Variants in HOOK1 observed in about 807,000 individuals in gnomAD.
HOOK1 encodes hook microtubule tethering protein 1, also known as protein Hook homolog 1.
In HOOK1, 60 loss-of-function variants were observed where a neutral mutation model predicts 112.8. That is an observed-to-expected ratio of 0.53 (90% CI 0.43 to 0.66). The LOEUF (loss-of-function observed/expected upper bound fraction) is 0.66, where lower values mean the gene tolerates loss of function less well. HOOK1 is among the 30% of genes least tolerant of loss of function. The pLI is 0.00. For missense variants in HOOK1, 770 were observed against 856.0 expected (o/e 0.90, Z 1.25); for synonymous variants, 294 against 283.8 (o/e 1.04, Z -0.36).
chr1:59,855,955 T>TAAAAAAAAAAAAAAA (rs1469077751), intron 12 of HOOK1, among the ~76,000 whole-genome samples: 1 of 104,334 alleles, frequency 9.6e-6, no homozygotes, highest in African/African-American at 4.5e-5. Flanking sequence ...TATATATATA[T>TAAAAAAAAAAAAAAA]ATATAAATTA....
intron 9 of HOOK1, among the ~76,000 whole-genome samples, chr1:59,846,108 GTTTA>G (rs2098403632): frequency 6.6e-6 from 1 of 151,636 alleles, no homozygotes; most frequent in Non-Finnish European, 1.5e-5. Context: ...CAGTGTATAT[GTTTA>G]TTTAAGTTGT....
intron 2 of HOOK1, among the ~76,000 whole-genome samples, chr1:59,823,297 G>A (rs565805784): frequency 3.9e-4 from 60 of 152,324 alleles, no homozygotes; most frequent in Middle Eastern, 6.8e-3. Flanking sequence ...TCCAGCCTGG[G>A]TGACAGAGCA....
chr1:59,847,789 C>T lies in HOOK1; in HGVS notation c.930-526C>T, dbSNP rs114528688. ...GTAACCATTAATTTGGACCTGCTTG[C>T]GATAGTGAAGTGATTTGGTTTATTT... On this transcript the variant is annotated intron_variant, in intron 10 of 21. Transcript: ENST00000371208. 4.1e-3 allele frequency among the ~76,000 whole-genome samples: 627 copies of T among 151,586 alleles called. 2 individuals carry two copies. Among genetic ancestry groups the T allele is most frequent in the Middle Eastern group, 0.01 (3 of 294 alleles).
At position 59,861,086 on chromosome 1, in the gene HOOK1, T is replaced by C. The variant is rs1393308777; in HGVS notation, c.1532+758T>C. Among the ~76,000 whole-genome samples the C allele has an allele frequency of 2.6e-5, 4 of 152,176 alleles. No homozygotes were observed. The East Asian group carries it at 7.7e-4, about 29-fold the overall frequency. The stretch of plus-strand genomic sequence containing the variant: ...CCACCATGCCTGGCCAATTTTTGTA[T>C]TATTAGTAGAGATGGGGCTTCACCA... On this transcript the variant is annotated intron_variant, in intron 15 of 21. Transcript: ENST00000371208.
At chr1:59,823,152 C>T (rs1341096831) in intron 2 of HOOK1, among the ~76,000 whole-genome samples, 1 of 152,136 alleles carries the variant, frequency 6.6e-6, no homozygotes, top group African/African-American at 2.4e-5. Flanking sequence ...AACCCCATCT[C>T]TACTAAAAAT....
chr1:59,824,923 A>G (rs1418717920), intron 2 of HOOK1, among the ~76,000 whole-genome samples: 2 of 152,216 alleles, frequency 1.3e-5, no homozygotes, highest in Admixed American at 1.3e-4. Context: ...TTAAAACAGC[A>G]AAAATCAATT....
chr1:59,837,119 A>G (rs1018484489), intron 7 of HOOK1, among the ~76,000 whole-genome samples, 184 bp downstream of exon 7: 1 of 152,222 alleles, frequency 6.6e-6, no homozygotes, highest in Admixed American at 6.5e-5. Context: ...TTTTGTGATC[A>G]TGTTGAAAGA....
chr1:59,835,677 C>T (rs565325338), intron 6 of HOOK1, among the ~76,000 whole-genome samples: 2 of 152,182 alleles, frequency 1.3e-5, no homozygotes, highest in South Asian at 4.1e-4. Context: ...TTTTTGGCAC[C>T]AGGGACCAGT....
At position 59,833,554 on chromosome 1, in the gene HOOK1, C is replaced by T. The variant is rs774930150; in HGVS notation, c.406+17C>T. ...AGAAGCAAGGTAAGTGAATTTCAAT[C>T]ATTTGAGGATTTCTACTTTCTAGAA... On this transcript the variant is annotated intron_variant, in intron 5 of 21. Coordinates refer to ENST00000371208, the MANE Select transcript of HOOK1 (RefSeq NM_015888.6). The T allele has an allele frequency of 1.3e-6, 2 of 1,516,616 alleles. No individual in the cohort carries two copies. Among genetic ancestry groups the T allele is most frequent in the Non-Finnish European group, 1.8e-6 (2 of 1,120,822 alleles). The allele number at this position is 1,516,616 out of a possible 1,614,324, so 93.9% of individuals were successfully genotyped here. A position where few individuals can be genotyped will look rare whatever the true frequency, so the allele number is the denominator to read the frequency against.
chr1:59,816,461 T>A (rs2098381602), intron 1 of HOOK1, among the ~76,000 whole-genome samples: 1 of 152,234 alleles, frequency 6.6e-6, no homozygotes, highest in Admixed American at 6.5e-5. Flanking sequence ...TAAAACAGAC[T>A]AATTAAAGGG....
rs888484570 is a variant in HOOK1, at chr1:59,873,451, C to T, written c.*486C>T. 1.3e-5 allele frequency: 2 copies of T among 151,826 alleles called. No individual in the cohort carries two copies. The highest frequency in any genetic ancestry group is 2.9e-5 in the Non-Finnish European group (2 of 67,942). The allele number at this position is 151,826 out of a possible 1,614,324, so 9.4% of individuals were successfully genotyped here. A position where few individuals can be genotyped will look rare whatever the true frequency, so the allele number is the denominator to read the frequency against. On this transcript the variant is annotated 3_prime_UTR_variant, in exon 22 of 22. Coordinates refer to ENST00000371208, the MANE Select transcript of HOOK1 (RefSeq NM_015888.6). ...GGTGATTTCTTTGACTTAATATATACAAGGCTTTACTTCTGTCCCCTAATT... is the reference window on the plus strand; with the variant it reads ...GGTGATTTCTTTGACTTAATATATATAAGGCTTTACTTCTGTCCCCTAATT...
intron 7 of HOOK1, among the ~76,000 whole-genome samples, chr1:59,839,563 T>C (rs1004988442): frequency 3.9e-5 from 6 of 152,196 alleles, no homozygotes; most frequent in Admixed American, 1.3e-4. Flanking sequence ...TTGCTGAAGT[T>C]GTTTATCAGC....
At chr1:59,853,458 T>G (rs766112422) in intron 12 of HOOK1, among the ~76,000 whole-genome samples, 42 of 152,078 alleles carry the variant, frequency 2.8e-4, no homozygotes, top group Non-Finnish European at 2.6e-4. Context: ...TTCACCCTTT[T>G]ATTTTCAAAC....
chr1:59,815,337 C>A (rs950849971), intron 1 of HOOK1, 157 bp downstream of exon 1: 40 of 667,040 alleles, frequency 6.0e-5, no homozygotes, highest in Non-Finnish European at 8.7e-5. Context: ...ATGCCACCTG[C>A]GGGTCGACGG....
At position 59,843,485 on chromosome 1, in the gene HOOK1, G is replaced by A; in HGVS notation, c.675G>A (p.Met225Ile). The A allele has an allele frequency of 6.2e-7, 1 of 1,610,628 alleles. No individual in the cohort carries two copies. The highest frequency in any genetic ancestry group is 8.5e-7 in the Non-Finnish European group (1 of 1,178,326). The change falls in exon 9 of 22, where the codon ATG (methionine) becomes ATA (isoleucine). Residue 225 changes from methionine to isoleucine, a missense_variant. Met to Ile is a conservative substitution (Grantham distance 10). Coordinates refer to ENST00000371208, the MANE Select transcript of HOOK1 (RefSeq NM_015888.6). ...CACTGGTTTCTGAAAATGAGATGAT[G>A]AATGAAAAACTTGACCAGTTGGATG... ...KNSLVSENEM[M>I]NEKLDQLDGS...
At chr1:59,861,339 C>A (rs921183738) in intron 15 of HOOK1, among the ~76,000 whole-genome samples, 1 of 152,154 alleles carries the variant, frequency 6.6e-6, no homozygotes, top group Admixed American at 6.5e-5. Context: ...ATTGTGGAAT[C>A]AAATTTAAAT....
intron 12 of HOOK1, 62 bp downstream of exon 12, chr1:59,849,245 G>T: frequency 9.0e-7 from 1 of 1,109,852 alleles, no homozygotes; most frequent in Non-Finnish European, 1.3e-6. Flanking sequence ...TAATGCCCTT[G>T]CTGTTTCTAT....
rs1423962228 is a variant in HOOK1, at chr1:59,873,360, T to TTTTTTTG, written c.*405_*411dup. On this transcript the variant is annotated 3_prime_UTR_variant, in exon 22 of 22. Coordinates refer to ENST00000371208, the MANE Select transcript of HOOK1 (RefSeq NM_015888.6). ...GAACATTAATTGGATTTGTTTAATC[T>TTTTTTTG]TTTTTTGTTTTTTGTTGATTTATAT... is the stretch of plus-strand genomic sequence containing the variant. 2 of 153,446 alleles carry TTTTTTTG rather than the reference T, an allele frequency of 1.3e-5. No homozygotes were observed. Among genetic ancestry groups the TTTTTTTG allele is most frequent in the Non-Finnish European group, 2.9e-5 (2 of 68,938 alleles). The allele number at this position is 153,446 out of a possible 1,614,324, so 9.5% of individuals were successfully genotyped here. A position where few individuals can be genotyped will look rare whatever the true frequency, so the allele number is the denominator to read the frequency against.
intron 3 of HOOK1, 112 bp downstream of exon 3, chr1:59,828,964 A>C: frequency 1.3e-6 from 1 of 787,714 alleles, no homozygotes; most frequent in South Asian, 1.9e-5. Context: ...TGTTGTGTAT[A>C]GTTTGAGTTT....
Sources: allele counts gnomAD v4.1 joint callset (sites outside exome capture counted in the v4.1 genomes callset), GRCh38; gene constraint gnomAD v4.1.1; transcripts MANE v1.5; gene names NCBI Gene and HGNC (gene_info 2026-07-23, HGNC 2026-07-21).